The following SOX13 variants were observed in gnomAD, a reference collection of about 807,000 sequenced individuals.
SOX13 encodes SRY-box transcription factor 13.
A neutral mutation model predicts 71.8 loss-of-function variants in SOX13; 28 were observed. The ratio of observed to expected loss-of-function variants is 0.39; its 90% CI spans 0.29 to 0.53. The LOEUF (loss-of-function observed/expected upper bound fraction) is 0.53. SOX13 is among the 20% of genes least tolerant of loss of function. The pLI, the probability that SOX13 is intolerant of heterozygous loss-of-function variation, is 0.70. For missense variants in SOX13, 627 were observed against 810.3 expected, an observed-to-expected ratio of 0.77 and a Z score of 2.75; for synonymous variants, 309 against 317.8, an observed-to-expected ratio of 0.97 and a Z score of 0.29.
intron 4 of SOX13, among the ~76,000 whole-genome samples, chr1:204,115,820 C>T (rs770934970): frequency 1.2e-4 from 18 of 151,742 alleles, no homozygotes; most frequent in Admixed American, 3.9e-4. Context: ...GTATGCGCCA[C>T]CATACCCGGC....
At chr1:204,101,974 G>T (rs1055728689) in intron 1 of SOX13, among the ~76,000 whole-genome samples, 2 of 152,156 alleles carry the variant, frequency 1.3e-5, no homozygotes, top group Non-Finnish European at 2.9e-5. Flanking sequence ...AGGCAGGAGG[G>T]TCATTTGAGC....
rs1404218776 is a variant in SOX13, at chr1:204,112,932, C to T, written c.17C>T (p.Pro6Leu). 3 of 1,613,600 alleles carry T rather than the reference C, an allele frequency of 1.9e-6. No individual in the cohort carries two copies. Among genetic ancestry groups the T allele is most frequent in the Admixed American group, 1.7e-5 (1 of 60,020 alleles). The stretch of plus-strand genomic sequence containing the variant: ...TCCCCCAGGATGTCCATGAGGAGCC[C>T]CATCTCTGCCCAGCTGGCCCTGGAT... MSMRS[P>L]ISAQLALDGV... The change falls in exon 2 of 14, where the codon CCC (proline) becomes CTC (leucine). Residue 6 changes from proline to leucine, a missense_variant. By Grantham distance (98) the Pro-to-Leu change is moderately conservative. Around this residue, in one of 3 missense-constraint regions of SOX13, gnomAD observed 447 missense variants for 532.2 expected, o/e 0.84. Coordinates refer to ENST00000367204, the MANE Select transcript of SOX13 (RefSeq NM_005686.3).
intron 1 of SOX13, among the ~76,000 whole-genome samples, chr1:204,075,327 C>G (rs979188243): frequency 6.6e-6 from 1 of 152,066 alleles, no homozygotes; most frequent in Non-Finnish European, 1.5e-5. Context: ...CCCTCTCCCC[C>G]GCTCCCTGGC....
At chr1:204,077,972 T>C (rs1655817666) in intron 1 of SOX13, among the ~76,000 whole-genome samples, 1 of 152,084 alleles carries the variant, frequency 6.6e-6, no homozygotes, top group Non-Finnish European at 1.5e-5. Flanking sequence ...CCACCACACC[T>C]GGCTAATTTT....
At chr1:204,125,607 TG>T (rs1478326459) in intron 13 of SOX13, among the ~76,000 whole-genome samples, 1 of 152,204 alleles carries the variant, frequency 6.6e-6, no homozygotes, top group African/African-American at 2.4e-5. Flanking sequence ...TTCTAAAAAC[TG>T]GATTCACACA....
At chr1:204,117,306 C>A in intron 6 of SOX13, 116 bp downstream of exon 6, 1 of 916,432 alleles carries the variant, frequency 1.1e-6, no homozygotes, top group Non-Finnish European at 1.8e-6. Context: ...AGCAGAATCA[C>A]TCAGGCCTGA....
At position 204,124,849 on chromosome 1, in the gene SOX13, C is replaced by T. The variant is rs199939697; in HGVS notation, c.1584C>T (p.Tyr528=). 2.3e-5 allele frequency: 36 copies of T among 1,565,688 alleles called. No individual in the cohort carries two copies. The Admixed American group carries it at 4.9e-4, about 21-fold the overall frequency. Residue 528 remains tyrosine (Y), a synonymous_variant, in exon 13 of 14, where the codon TAC becomes TAT. Transcript: ENST00000367204. ...GGCGTCAGGATGCCCGCCAGAGCTA[C>T]GTGATCCCGTGAGCAGGCCCCCCCG... The part of the protein sequence containing the change: ...RTRRQDARQS[Y]VIPPQAGQVQ...
At chr1:204,089,673 T>C (rs1257377499) in intron 1 of SOX13, among the ~76,000 whole-genome samples, 3 of 152,182 alleles carry the variant, frequency 2.0e-5, no homozygotes, top group Non-Finnish European at 4.4e-5. Flanking sequence ...GGGCAGTAGA[T>C]AGAGCCCTGC....
In SOX13 at chr1:204,115,657, C is replaced by CTTTTTTTTTTT. The variant is rs771014997; in HGVS notation, c.419-835_419-825dup. 2.8e-4 allele frequency among the ~76,000 whole-genome samples: 16 copies of CTTTTTTTTTTT among 57,380 alleles called. 2 individuals are homozygous for CTTTTTTTTTTT. The highest frequency in any genetic ancestry group is 7.0e-4 in the East Asian group (1 of 1,422). 37.6% of individuals were successfully genotyped at this position (57,380 alleles called of 152,430 possible). A position where few individuals can be genotyped will look rare whatever the true frequency, so the allele number is the denominator to read the frequency against. ...TTTGCATATATTAGCGCTTCTTCTT[C>CTTTTTTTTTTT]TTTTTTTTTTTTTTTTTTTTTTTTT... On this transcript the variant is annotated intron_variant, in intron 4 of 13. Coordinates refer to ENST00000367204, the MANE Select transcript of SOX13 (RefSeq NM_005686.3).
In SOX13 at chr1:204,123,510, T is replaced by C. The variant is rs934168833; in HGVS notation, c.1232-151T>C. The C allele has an allele frequency of 1.5e-5, 12 of 785,704 alleles. No homozygotes were observed. Among genetic ancestry groups the C allele is most frequent in the Non-Finnish European group, 2.0e-5 (10 of 502,098 alleles). 48.7% of individuals were successfully genotyped at this position (785,704 alleles called of 1,614,324 possible). A position where few individuals can be genotyped will look rare whatever the true frequency, so the allele number is the denominator to read the frequency against. On this transcript the variant is annotated intron_variant, in intron 11 of 13. Coordinates refer to ENST00000367204, the MANE Select transcript of SOX13 (RefSeq NM_005686.3). The surrounding 1 kb of genome is among the most constrained non-coding windows in gnomAD (Gnocchi z 5.0). ...ATAATTTGCTGTTTCTTCTGCCCCA[T>C]CTGCTCCTGCCTTGCTCCTCCTCGG...
intron 13 of SOX13, 29 bp from the exon 14 acceptor site, chr1:204,125,829 C>T (rs1656908057): frequency 1.3e-6 from 2 of 1,595,350 alleles, no homozygotes; most frequent in Non-Finnish European, 8.5e-7. Context: ...AGTGTGCATC[C>T]ATCACCGTTC....
In SOX13 at chr1:204,124,646, C is replaced by G; in HGVS notation, c.1381C>G (p.Arg461Gly). Residue 461 changes from arginine (R) to glycine (G), a missense_variant, in exon 13 of 14, where the codon CGC becomes GGC. Around this residue, in one of 3 missense-constraint regions of SOX13, gnomAD observed 32 missense variants for 85.4 expected, o/e 0.37. Transcript: ENST00000367204. Reference protein sequence around the residue: ...NSSISKILGSRWKSMTNQEKQ... With the variant: ...NSSISKILGSGWKSMTNQEKQ... ...CCCCTGGGGGGTTGGGTCAGGATCT[C>G]GCTGGAAGTCCATGACCAACCAGGA... 1 of 1,609,632 alleles carries G rather than the reference C, an allele frequency of 6.2e-7. No homozygotes were observed. The highest frequency in any genetic ancestry group is 1.7e-5 in the Admixed American group (1 of 59,524).
In SOX13 at chr1:204,122,975, C is replaced by A. The variant is rs370439414; in HGVS notation, c.1134+12C>A. 473 of 1,558,170 alleles carry A rather than the reference C, an allele frequency of 3.0e-4. No homozygotes were observed. The highest frequency in any genetic ancestry group is 1.0e-3 in the Middle Eastern group (6 of 5,940). Reference sequence around the variant, plus strand: ...CCCCCTTCCGTAAGGTATGGTCCCCCACTCCCTTGAGCCTAGGGGCAGCAA... The same window carrying A: ...CCCCCTTCCGTAAGGTATGGTCCCCAACTCCCTTGAGCCTAGGGGCAGCAA... On this transcript the variant is annotated intron_variant, in intron 10 of 13. Transcript: ENST00000367204.
intron 1 of SOX13, among the ~76,000 whole-genome samples, chr1:204,098,925 G>A (rs1384151179): frequency 6.6e-6 from 1 of 152,228 alleles, no homozygotes; most frequent in Non-Finnish European, 1.5e-5. Flanking sequence ...ATAGCTGGCA[G>A]GAGTGAGCGA....
At chr1:204,121,474 CCT>C (rs760261091) in intron 7 of SOX13, among the ~76,000 whole-genome samples, 5 of 152,156 alleles carry the variant, frequency 3.3e-5, no homozygotes, top group Admixed American at 6.5e-5. Flanking sequence ...GTATTCAGCC[CCT>C]GTTATATATC....
chr1:204,091,109 C>G (rs2102231932), intron 1 of SOX13, among the ~76,000 whole-genome samples: 1 of 152,366 alleles, frequency 6.6e-6, no homozygotes, highest in East Asian at 1.9e-4. Flanking sequence ...CAACAGAACA[C>G]TGTTCTTTTC....
At chr1:204,100,761 G>T (rs1399560144) in intron 1 of SOX13, among the ~76,000 whole-genome samples, 2 of 152,206 alleles carry the variant, frequency 1.3e-5, no homozygotes, top group African/African-American at 4.8e-5. Context: ...CTAAACTGGG[G>T]TGTCCGATGA....
chr1:204,107,836 C>A (rs966354150), intron 1 of SOX13, among the ~76,000 whole-genome samples: 3 of 152,198 alleles, frequency 2.0e-5, no homozygotes, highest in African/African-American at 7.2e-5. Context: ...GAGCCAGACA[C>A]CTGTGAGGAT....
chr1:204,105,816 G>A (rs534334201), intron 1 of SOX13, among the ~76,000 whole-genome samples: 241 of 152,276 alleles, frequency 1.6e-3, no homozygotes, highest in African/African-American at 5.6e-3. Context: ...AACTGGGCAC[G>A]CAGGAGCACT....
Sources: gnomAD v4.1 joint callset for allele counts (sites outside exome capture counted in the v4.1 genomes callset) on GRCh38, gnomAD v4.1.1 for gene constraint, gnomAD v4.1.1 regional missense constraint, Gnocchi (gnomAD v3.1) non-coding constraint, MANE v1.5 for transcripts, NCBI Gene and HGNC (gene_info 2026-07-23, HGNC 2026-07-21) for gene names.